ERG: variants seen among roughly 807,000 people sequenced by gnomAD.
ERG encodes the protein ETS transcription factor ERG.
A neutral mutation model predicts 55.3 loss-of-function variants in ERG; 9 were observed. That is an observed-to-expected ratio of 0.16 (90% confidence interval 0.10 to 0.28). The LOEUF (loss-of-function observed/expected upper bound fraction) is 0.28. Ranked by LOEUF, ERG falls within the 10% of genes least tolerant of loss-of-function variation. The pLI, the probability that ERG is intolerant of heterozygous loss-of-function variation, is 1.00. For missense variants in ERG, 434 were observed against 631.6 expected, an observed-to-expected ratio of 0.69 and a Z score of 3.35; for synonymous variants, 223 against 237.3, an observed-to-expected ratio of 0.94 and a Z score of 0.55.
intron 6 of ERG, 90 bp from the exon 7 acceptor site, chr21:38,392,534 A>C: frequency 1.0e-6 from 1 of 971,124 alleles, no homozygotes. Flanking sequence ...TATTTATTAG[A>C]ATAAACTTTG....
chr21:38,584,252 C>T (rs931369465), intron 1 of ERG, among the ~76,000 whole-genome samples: 1 of 152,148 alleles, frequency 6.6e-6, no homozygotes, highest in African/African-American at 2.4e-5. Flanking sequence ...CAGGGGAGCC[C>T]TAGCATTCCA....
chr21:38,369,795 A>G, the ERG span, among the ~76,000 whole-genome samples: 3 of 152,120 alleles, frequency 2.0e-5, no homozygotes, highest in Non-Finnish European at 2.9e-5. Context: ...TAATTTTTGT[A>G]TATGGTGTAA....
intron 1 of ERG, among the ~76,000 whole-genome samples, chr21:38,453,321 G>A (rs2146575487): frequency 6.6e-6 from 1 of 152,346 alleles, no homozygotes; most frequent in South Asian, 2.1e-4. Flanking sequence ...GAAATATTGT[G>A]AAAGATTGGA....
chr21:38,536,505 C>T (rs2059711641), intron 2 of ERG, among the ~76,000 whole-genome samples: 1 of 152,174 alleles, frequency 6.6e-6, no homozygotes, highest in African/African-American at 2.4e-5. Flanking sequence ...TCTGCATCCC[C>T]TAGCATTTTA....
intron 1 of ERG, among the ~76,000 whole-genome samples, chr21:38,638,420 C>T (rs1051088303): frequency 6.6e-6 from 1 of 152,204 alleles, no homozygotes; most frequent in Non-Finnish European, 1.5e-5. Context: ...ACTCATCCAA[C>T]AAGACTTGCA....
chr21:38,423,675 G>T, intron 2 of ERG, 114 bp from the exon 3 acceptor site: 1 of 1,169,058 alleles, frequency 8.6e-7, no homozygotes, highest in Non-Finnish European at 1.2e-6. Context: ...GAGACTGGGG[G>T]AGAAAGGACA....
intron 1 of ERG, among the ~76,000 whole-genome samples, chr21:38,590,083 T>A (rs2060090695): frequency 6.6e-6 from 1 of 152,196 alleles, no homozygotes. Flanking sequence ...ACACCGTATC[T>A]AAGAATTAGT....
intron 1 of ERG, among the ~76,000 whole-genome samples, chr21:38,461,620 TC>T (rs1448525805): frequency 6.6e-6 from 1 of 152,070 alleles, no homozygotes; most frequent in Non-Finnish European, 1.5e-5. Flanking sequence ...CCCCCTGGGG[TC>T]CCCAGACCCC....
chr21:38,595,078 T>C (rs1013043623), intron 1 of ERG, among the ~76,000 whole-genome samples: 7 of 152,152 alleles, frequency 4.6e-5, no homozygotes, highest in Non-Finnish European at 7.3e-5. Flanking sequence ...GCACATTGGT[T>C]GGACGATGAG....
At chr21:38,575,030 A>G (rs1341403363) in intron 2 of ERG, among the ~76,000 whole-genome samples, 1 of 152,208 alleles carries the variant, frequency 6.6e-6, no homozygotes, top group Non-Finnish European at 1.5e-5. Context: ...GAGTCCTCTC[A>G]GGGACCTCCC....
intron 1 of ERG, among the ~76,000 whole-genome samples, chr21:38,458,208 G>A (rs762461578): frequency 6.6e-5 from 10 of 152,020 alleles, no homozygotes; most frequent in Non-Finnish European, 1.2e-4. Context: ...GGCAGATCAC[G>A]AGGTCAGGAG....
chr21:38,527,068 G>C (rs534817998), intron 2 of ERG, among the ~76,000 whole-genome samples: 4 of 152,086 alleles, frequency 2.6e-5, no homozygotes, highest in African/African-American at 9.7e-5. Flanking sequence ...AATTTTCCAC[G>C]ACGCATACTG....
intron 1 of ERG, among the ~76,000 whole-genome samples, chr21:38,631,593 C>T (rs2060357052): frequency 2.0e-5 from 3 of 152,142 alleles, no homozygotes; most frequent in Non-Finnish European, 2.9e-5. Flanking sequence ...TACTACTTTC[C>T]TTTCCTTTGG....
intron 9 of ERG, among the ~76,000 whole-genome samples, chr21:38,388,064 A>G (rs983720908): frequency 6.6e-5 from 10 of 152,212 alleles, no homozygotes; most frequent in Non-Finnish European, 1.2e-4. Flanking sequence ...AAGACTGCAC[A>G]CTGCCACCTC....
chr21:38,563,593 C>T (rs1003674771), intron 2 of ERG, among the ~76,000 whole-genome samples: 2 of 152,208 alleles, frequency 1.3e-5, no homozygotes, highest in African/African-American at 4.8e-5. Context: ...TAAGTGAATA[C>T]CGACATGTTC....
chr21:38,411,215 A>C (rs1989030740), intron 3 of ERG, among the ~76,000 whole-genome samples: 1 of 152,232 alleles, frequency 6.6e-6, no homozygotes, highest in South Asian at 2.1e-4. Context: ...TGAGCCTTTT[A>C]AATTTCTAAC....
chr21:38,419,387 C>T (rs1989435682), intron 3 of ERG, among the ~76,000 whole-genome samples: 1 of 152,226 alleles, frequency 6.6e-6, no homozygotes, highest in Non-Finnish European at 1.5e-5. Flanking sequence ...CATCTTTTCA[C>T]ATTTGCTTTC....
At chr21:38,606,933 AT>A (rs919183140) in intron 1 of ERG, among the ~76,000 whole-genome samples, 5 of 151,844 alleles carry the variant, frequency 3.3e-5, no homozygotes, top group South Asian at 2.1e-4. Flanking sequence ...GAGACTTCAG[AT>A]TTTTTTTTAA....
intron 2 of ERG, among the ~76,000 whole-genome samples, chr21:38,438,731 C>T (rs112304671): frequency 9.7e-4 from 148 of 152,326 alleles, no homozygotes; most frequent in African/African-American, 3.3e-3. Flanking sequence ...GGGAACAACC[C>T]CACCTCCGCG....
Sources: gnomAD v4.1 joint callset for allele counts (sites outside exome capture counted in the v4.1 genomes callset) on GRCh38, gnomAD v4.1.1 for gene constraint, MANE v1.5 for transcripts, NCBI Gene and HGNC (gene_info 2026-07-23, HGNC 2026-07-21) for gene names.